Variants in TRPM3 observed in about 807,000 individuals in gnomAD.
TRPM3 encodes the protein long transient receptor potential channel 3.
Under a neutral mutation model 181.2 loss-of-function variants are expected in TRPM3, and 77 were observed. The ratio of observed to expected loss-of-function variants is 0.42; its 90% CI spans 0.35 to 0.51. TRPM3 has a LOEUF of 0.51. Among genes scored for constraint, TRPM3 ranks in the 20% least tolerant of loss-of-function variants. The probability of loss-of-function intolerance (pLI) is 0.01; values close to 1 mark genes in which losing one functional copy is unlikely to be tolerated. For synonymous variants in TRPM3, 745 were observed against 796.4 expected, an observed-to-expected ratio of 0.94 and a Z score of 1.09; for missense variants, 1,759 against 2,196.7, an observed-to-expected ratio of 0.80 and a Z score of 3.98.
intron 8 of TRPM3, among the ~76,000 whole-genome samples, chr9:70,751,855 A>C (rs2076183562): frequency 6.6e-6 from 1 of 152,202 alleles, no homozygotes; most frequent in Non-Finnish European, 1.5e-5. Flanking sequence ...GGCATGGCTC[A>C]AGATATAGTC....
chr9:70,677,086 G>A (rs1035624641), intron 9 of TRPM3, among the ~76,000 whole-genome samples: 1 of 151,894 alleles, frequency 6.6e-6, no homozygotes, highest in Non-Finnish European at 1.5e-5. Flanking sequence ...GGCAGGGCTC[G>A]GACACTGGAC....
intron 6 of TRPM3, among the ~76,000 whole-genome samples, chr9:70,787,763 C>CTTTTTTTTTTTTTTT: frequency 1.2e-4 from 8 of 68,554 alleles, no homozygotes; most frequent in Admixed American, 1.8e-4. Context: ...TTTTTGGATT[C>CTTTTTTTTTTTTTTT]TTTTTTTTTT....
chr9:70,784,246 A>G lies in TRPM3; in HGVS notation c.1007T>C (p.Ile336Thr). 6.2e-7 allele frequency: 1 copy of G among 1,612,950 alleles called. No individual in the cohort carries two copies. Among genetic ancestry groups the G allele is most frequent in the Non-Finnish European group, 8.5e-7 (1 of 1,179,248 alleles). The change falls in exon 7 of 26, where the codon ATA becomes ACA. Residue 336 changes from isoleucine to threonine, a missense_variant. This residue lies in a region of TRPM3 where 737 missense variants were observed against 957.4 expected (regional missense o/e 0.77). Coordinates refer to ENST00000677713, the MANE Select transcript of TRPM3 (RefSeq NM_001366145.2). ...IGQGVPVVAL[I>T]VEGGPNVISI... ...GATCACATTGGGTCCTCCTTCCACTATGAGTGCCACCACAGGAACACCTTG... is the reference window on the plus strand; with the variant it reads ...GATCACATTGGGTCCTCCTTCCACTGTGAGTGCCACCACAGGAACACCTTG...
chr9:70,864,342 T>A, intron 2 of TRPM3, 90 bp downstream of exon 2: 1 of 832,396 alleles, frequency 1.2e-6, no homozygotes, highest in South Asian at 2.5e-5. Context: ...AATTTGACAG[T>A]GTTTCCCTTG....
intron 6 of TRPM3, among the ~76,000 whole-genome samples, chr9:70,789,717 A>C (rs933595426): frequency 6.6e-6 from 1 of 152,262 alleles, no homozygotes; most frequent in Non-Finnish European, 1.5e-5. Context: ...ACATTAGAGC[A>C]TACGAAAATG....
intron 1 of TRPM3, among the ~76,000 whole-genome samples, chr9:70,920,115 TTTATGA>T (rs1273779922): frequency 6.6e-6 from 1 of 152,236 alleles, no homozygotes; most frequent in African/African-American, 2.4e-5. Context: ...TGTTCAGTAT[TTTATGA>T]TTACCTCAAA....
intron 5 of TRPM3, among the ~76,000 whole-genome samples, chr9:70,841,607 T>A (rs2094631622): frequency 7.3e-6 from 1 of 137,796 alleles, no homozygotes; most frequent in African/African-American, 2.7e-5. Context: ...GGATTGGATA[T>A]ATATATCTAT....
intron 19 of TRPM3, among the ~76,000 whole-genome samples, chr9:70,609,678 G>A (rs924877688): frequency 1.3e-5 from 2 of 152,196 alleles, no homozygotes; most frequent in Non-Finnish European, 2.9e-5. Flanking sequence ...GAGAAACCCA[G>A]CTTTAAAGTC....
intron 1 of TRPM3, among the ~76,000 whole-genome samples, chr9:71,025,608 A>G (rs1177080719): frequency 6.6e-6 from 1 of 152,242 alleles, no homozygotes; most frequent in Non-Finnish European, 1.5e-5. Flanking sequence ...TACAATATAC[A>G]CAATATGTAG....
At chr9:71,076,031 G>A (rs1159819816) in intron 1 of TRPM3, among the ~76,000 whole-genome samples, 1 of 152,114 alleles carries the variant, frequency 6.6e-6, no homozygotes, top group East Asian at 1.9e-4. Context: ...TTAAGATACA[G>A]TTAAGTACCA....
chr9:71,281,307 G>A (rs1283632523), intron 1 of TRPM3, among the ~76,000 whole-genome samples: 1 of 152,214 alleles, frequency 6.6e-6, no homozygotes, highest in African/African-American at 2.4e-5. Context: ...TGACAGAGTT[G>A]AATGACCATT....
At chr9:71,038,010 A>G (rs2058409514) in intron 1 of TRPM3, among the ~76,000 whole-genome samples, 1 of 152,238 alleles carries the variant, frequency 6.6e-6, no homozygotes, top group African/African-American at 2.4e-5. Flanking sequence ...GTGCTTACTG[A>G]TTACAAGGAA....
At chr9:71,332,355 G>C (rs559423693) in intron 1 of TRPM3, among the ~76,000 whole-genome samples, 1 of 146,842 alleles carries the variant, frequency 6.8e-6, no homozygotes, top group African/African-American at 2.6e-5. Context: ...ACTTAGTCTA[G>C]GTCAGTGGTT....
intron 1 of TRPM3, among the ~76,000 whole-genome samples, chr9:71,163,130 C>A (rs896813066): frequency 2.6e-5 from 4 of 152,094 alleles, no homozygotes; most frequent in South Asian, 2.1e-4. Context: ...CATCTAAGGA[C>A]AACTTTAACC....
chr9:71,046,275 G>A (rs557339654), intron 1 of TRPM3, among the ~76,000 whole-genome samples: 51 of 152,140 alleles, frequency 3.4e-4, no homozygotes, highest in African/African-American at 1.1e-3. Context: ...GTGAACCACC[G>A]CGCCTGGCCT....
intron 1 of TRPM3, among the ~76,000 whole-genome samples, chr9:71,178,165 CTG>C (rs1272865282): frequency 6.6e-6 from 1 of 151,998 alleles, no homozygotes; most frequent in African/African-American, 2.4e-5. Context: ...CAAGGTATCA[CTG>C]TTTTTTTATC....
At chr9:70,636,969 G>A (rs568061323) in intron 11 of TRPM3, among the ~76,000 whole-genome samples, 10 of 152,150 alleles carry the variant, frequency 6.6e-5, no homozygotes, top group South Asian at 2.1e-4. Context: ...AGGCCACTGC[G>A]CCCAACCAAT....
At chr9:70,832,280 C>T (rs2093986002) in intron 5 of TRPM3, among the ~76,000 whole-genome samples, 1 of 151,316 alleles carries the variant, frequency 6.6e-6, no homozygotes, top group Non-Finnish European at 1.5e-5. Context: ...TACCCTAAAA[C>T]TTAAAGTATA....
Position 71,086,267 on chromosome 9 carries a change from G to T in TRPM3, c.177+34911C>A, listed in dbSNP as rs933648595. Among the ~76,000 whole-genome samples the T allele has an allele frequency of 3.9e-5, 6 of 151,982 alleles. No homozygotes were observed. The Middle Eastern group carries it at 0.01, about 258-fold the overall frequency. On this transcript the variant is annotated intron_variant, in intron 1 of 25. Transcript: ENST00000677713. ...TGGGTCCTATGCTTAGTAGCTAGGT[G>T]ATGGGATTATTAGTATCACAAACCT...
Sources: gnomAD v4.1 joint callset for allele counts (sites outside exome capture counted in the v4.1 genomes callset) on GRCh38, gnomAD v4.1.1 for gene constraint, gnomAD v4.1.1 regional missense constraint, MANE v1.5 for transcripts, NCBI Gene and HGNC (gene_info 2026-07-23, HGNC 2026-07-21) for gene names.